MARK3: variants seen among roughly 807,000 people sequenced by gnomAD.
The protein encoded by MARK3 is MAP/microtubule affinity-regulating kinase 3.
Under a neutral mutation model 90.1 loss-of-function variants are expected in MARK3, and 46 were observed. The ratio of observed to expected loss-of-function variants is 0.51; its 90% confidence interval spans 0.40 to 0.65. The LOEUF is 0.65. Among genes scored for constraint, MARK3 ranks in the 30% least tolerant of loss-of-function variants. The probability of loss-of-function intolerance (pLI) is 0.00; values close to 1 mark genes in which losing one functional copy is unlikely to be tolerated. For synonymous variants in MARK3, 321 were observed against 332.6 expected (o/e 0.97, Z 0.38); for missense variants, 818 against 947.2 (o/e 0.86, Z 1.79).
At position 103,465,752 on chromosome 14, in the gene MARK3, C is replaced by T. The variant is rs772042886; in HGVS notation, c.736C>T (p.Leu246=). ...GAGTCTGGGGGTCATTTTATACACA[C>T]TAGTCAGTGGCTCACTTCCCTTTGA... ...VWSLGVILYT[L]VSGSLPFDGQ... Residue 246 remains leucine (L), a synonymous_variant, in exon 8 of 18, where the codon CTA becomes TTA. Coordinates refer to ENST00000429436, the MANE Select transcript of MARK3 (RefSeq NM_001128918.3). The T allele has an allele frequency of 9.9e-6, 16 of 1,613,982 alleles. No homozygotes were observed. The highest frequency in any genetic ancestry group is 1.6e-4 in the Middle Eastern group (1 of 6,084).
intron 9 of MARK3, 78 bp from the exon 10 acceptor site, chr14:103,466,265 G>A (rs375001831): frequency 7.6e-7 from 1 of 1,320,856 alleles, no homozygotes. Context: ...ATGAAATGTT[G>A]AAAATAAATT....
chr14:103,412,808 A>G (rs1345970298), intron 2 of MARK3: 2 of 395,756 alleles, frequency 5.1e-6, no homozygotes, highest in Non-Finnish European at 9.5e-6. Context: ...AGTTGGTTTT[A>G]TAAATTATTA....
chr14:103,409,435 TAAAAAAAAAAAAAAAAA>T (rs61200962), intron 2 of MARK3, among the ~76,000 whole-genome samples: 4 of 93,422 alleles, frequency 4.3e-5, no homozygotes, highest in Non-Finnish European at 4.1e-5. Context: ...GAACTTAAAG[TAAAAAAAAAAAAAAAAA>T]AAAAAAAAAA....
chr14:103,446,205 A>G lies in MARK3; in HGVS notation c.298-2714A>G, dbSNP rs144200045. On this transcript the variant is annotated intron_variant, in intron 3 of 17. Transcript: ENST00000429436. The stretch of plus-strand genomic sequence containing the variant: ...GAATCTGCCTGAGACTTAAAGGATG[A>G]AAAGGGAGAAGACATTTAAAGGAAT... Among the ~76,000 whole-genome samples, 14 of 152,316 alleles carry G rather than the reference A, an allele frequency of 9.2e-5. 1 individual carries two copies. Among genetic ancestry groups the G allele is most frequent in the African/African-American group, 3.1e-4 (13 of 41,558 alleles).
chr14:103,462,045 A>T (rs2093412370), intron 6 of MARK3, among the ~76,000 whole-genome samples: 1 of 151,926 alleles, frequency 6.6e-6, no homozygotes, highest in African/African-American at 2.4e-5. Context: ...AAAAAAAAAA[A>T]AAAAAAAAGT....
chr14:103,474,939 A>T, intron 12 of MARK3, 54 bp from the exon 13 acceptor site: 1 of 1,436,998 alleles, frequency 7.0e-7, no homozygotes, highest in Non-Finnish European at 9.7e-7. Context: ...TACTGTCACA[A>T]AATAAAACTT....
intron 6 of MARK3, chr14:103,458,750 TA>T: frequency 1.4e-6 from 1 of 729,748 alleles, no homozygotes; most frequent in Non-Finnish European, 2.5e-6. Flanking sequence ...GACAGACTAT[TA>T]AAGTTCAAGT....
chr14:103,421,776 C>T (rs184682007), intron 2 of MARK3, among the ~76,000 whole-genome samples: 5 of 152,250 alleles, frequency 3.3e-5, no homozygotes, highest in Admixed American at 3.3e-4. Context: ...CTTGGCCATT[C>T]TTTGTCATTT....
rs1254948375 is a variant in MARK3 at position 103,428,447 on chromosome 14, T to C, written c.297+7T>C. On this transcript the variant is annotated splice_region_variant and intron_variant, in intron 3 of 17. Transcript: ENST00000429436. ...TCCAACAAGTCTACAAAAGGTAAGA[T>C]TGGTTCAATGTCTAGTACTTTTTAA... is the stretch of plus-strand genomic sequence containing the variant. The C allele has an allele frequency of 3.3e-6, 5 of 1,500,688 alleles. No individual in the cohort carries two copies. In the African/African-American group the frequency reaches 5.6e-5, roughly 17 times the overall value. The allele number at this position is 1,500,688 out of a possible 1,614,324, so 93.0% of individuals were successfully genotyped here.
At chr14:103,411,645 A>G (rs1308805637) in intron 2 of MARK3, among the ~76,000 whole-genome samples, 1 of 150,464 alleles carries the variant, frequency 6.6e-6, no homozygotes, top group Admixed American at 6.6e-5. Context: ...TTTTGGTGAG[A>G]TGGAGTCTCG....
intron 12 of MARK3, among the ~76,000 whole-genome samples, chr14:103,470,140 C>A (rs1411209955): frequency 6.6e-6 from 1 of 151,948 alleles, no homozygotes; most frequent in African/African-American, 2.4e-5. Context: ...ACAGGACAGC[C>A]CTGGAGAATA....
rs560613850 is a variant in MARK3 at position 103,435,043 on chromosome 14, G to A, written c.297+6603G>A. ...TAGTGGCCTTTTTTGGCGTCCTAGGGAATCTTGGTCATGGGATGTAGCAGG... is the reference window on the plus strand; with the variant it reads ...TAGTGGCCTTTTTTGGCGTCCTAGGAAATCTTGGTCATGGGATGTAGCAGG... On this transcript the variant is annotated intron_variant, in intron 3 of 17. Coordinates refer to ENST00000429436, the MANE Select transcript of MARK3 (RefSeq NM_001128918.3). Among the ~76,000 whole-genome samples, 10 of 152,262 alleles carry A rather than the reference G, an allele frequency of 6.6e-5. No individual in the cohort carries two copies. In the South Asian group the frequency reaches 2.1e-3, roughly 32 times the overall value.
chr14:103,467,795 T>G (rs1166347136), intron 11 of MARK3: 1 of 356,016 alleles, frequency 2.8e-6, no homozygotes, highest in Non-Finnish European at 5.1e-6. Context: ...AATACAACAT[T>G]TAAAGTTATT....
intron 1 of MARK3, 114 bp downstream of exon 1, chr14:103,386,194 AGG>A: frequency 1.4e-5 from 14 of 1,027,540 alleles, no homozygotes; most frequent in Non-Finnish European, 2.0e-5. Flanking sequence ...AATAGAGGGC[AGG>A]CCGTAGTCAC....
intron 4 of MARK3, among the ~76,000 whole-genome samples, chr14:103,450,187 GA>G (rs1595732579): frequency 6.6e-6 from 1 of 151,936 alleles, no homozygotes; most frequent in African/African-American, 2.4e-5. Context: ...TATGGTTGAA[GA>G]AAAAACCACG....
intron 1 of MARK3, among the ~76,000 whole-genome samples, chr14:103,394,665 T>C (rs1307502420): frequency 1.3e-5 from 2 of 152,250 alleles, no homozygotes; most frequent in Non-Finnish European, 2.9e-5. Context: ...TTGTTGGACC[T>C]AAATATTGTG....
intron 11 of MARK3, chr14:103,467,475 G>T (rs933062333): frequency 2.5e-5 from 5 of 202,540 alleles, no homozygotes; most frequent in Non-Finnish European, 5.0e-5. Context: ...GACCAGACTG[G>T]CCAACATAGG....
chr14:103,411,865 C>A (rs2091653538), intron 2 of MARK3, among the ~76,000 whole-genome samples: 1 of 152,082 alleles, frequency 6.6e-6, no homozygotes. Flanking sequence ...CCATGAACTG[C>A]CCACCTCAGC....
At chr14:103,408,451 A>G (rs1025420169) in intron 2 of MARK3, among the ~76,000 whole-genome samples, 2 of 152,170 alleles carry the variant, frequency 1.3e-5, no homozygotes, top group Non-Finnish European at 2.9e-5. Context: ...AGCCTCCCAG[A>G]GTGCTGGGAT....
Sources: allele counts gnomAD v4.1 joint callset (sites outside exome capture counted in the v4.1 genomes callset), GRCh38; gene constraint gnomAD v4.1.1; transcripts MANE v1.5; gene names NCBI Gene and HGNC (gene_info 2026-07-23, HGNC 2026-07-21).